Variants in BBS9 observed in about 807,000 individuals in gnomAD.
The protein encoded by BBS9 is protein PTHB1.
A neutral mutation model predicts 117.7 loss-of-function variants in BBS9; 89 were observed. The ratio of observed to expected loss-of-function variants is 0.76; its 90% CI spans 0.64 to 0.90. BBS9 has a LOEUF of 0.90. BBS9 is among the 40% of genes least tolerant of loss of function. The probability of loss-of-function intolerance (pLI) is 0.00; values close to 1 mark genes in which losing one functional copy is unlikely to be tolerated. For missense variants in BBS9, 982 were observed against 1,042.2 expected, an observed-to-expected ratio of 0.94 and a Z score of 0.80; for synonymous variants, 379 against 370.9, an observed-to-expected ratio of 1.02 and a Z score of -0.25.
chr7:33,611,653 T>TATA (rs564675617), intron 21 of BBS9, among the ~76,000 whole-genome samples: 47,943 of 135,372 alleles, frequency 0.35, 11,373 homozygotes, highest in African/African-American at 0.67. Flanking sequence ...AGGTATATTA[T>TATA]ATATTAAATG....
At chr7:33,282,415 C>T (rs1377334935) in intron 9 of BBS9, among the ~76,000 whole-genome samples, 1 of 151,982 alleles carries the variant, frequency 6.6e-6, no homozygotes, top group Non-Finnish European at 1.5e-5. Context: ...CTCTGTTGCC[C>T]AGACTGGAGT....
intron 7 of BBS9, among the ~76,000 whole-genome samples, chr7:33,272,555 C>G (rs1799975119): frequency 6.6e-6 from 1 of 152,032 alleles, no homozygotes; most frequent in African/African-American, 2.4e-5. Context: ...TGGAGATATC[C>G]TGGAGTAGCT....
intron 19 of BBS9, among the ~76,000 whole-genome samples, chr7:33,416,077 G>C (rs543178739): frequency 6.6e-6 from 1 of 152,144 alleles, no homozygotes; most frequent in African/African-American, 2.4e-5. Context: ...CAAGCAATCT[G>C]CCTACCTCAG....
intron 19 of BBS9, among the ~76,000 whole-genome samples, chr7:33,502,535 A>G (rs1443750075): frequency 6.6e-6 from 1 of 152,188 alleles, no homozygotes; most frequent in Non-Finnish European, 1.5e-5. Context: ...AATGTAATTT[A>G]TTTAGTTTTA....
chr7:33,149,212 G>C (rs1346942681), intron 2 of BBS9, among the ~76,000 whole-genome samples: 1 of 152,176 alleles, frequency 6.6e-6, no homozygotes, highest in Non-Finnish European at 1.5e-5. Context: ...TCAGAGATGG[G>C]ATCAGGTGTG....
intron 21 of BBS9, among the ~76,000 whole-genome samples, chr7:33,564,880 T>G (rs1484615710): frequency 6.6e-6 from 1 of 152,214 alleles, no homozygotes; most frequent in East Asian, 1.9e-4. Context: ...TTTGTACTAA[T>G]TTTTTGGAAC....
intron 5 of BBS9, among the ~76,000 whole-genome samples, chr7:33,242,070 G>A (rs1794619362): frequency 6.6e-6 from 1 of 152,066 alleles, no homozygotes; most frequent in Admixed American, 6.5e-5. Flanking sequence ...TCAGATGTTT[G>A]GTGGTACTTC....
intron 20 of BBS9, among the ~76,000 whole-genome samples, chr7:33,524,871 C>T (rs1247228301): frequency 6.6e-6 from 1 of 152,150 alleles, no homozygotes; most frequent in East Asian, 1.9e-4. Context: ...TTCCTGCTTT[C>T]TCTTGTGGGC....
chr7:33,243,453 A>G lies in BBS9; in HGVS notation c.443-13783A>G, dbSNP rs551766531. Among the ~76,000 whole-genome samples the G allele has an allele frequency of 5.3e-5, 8 of 152,338 alleles. No individual in the cohort carries two copies. In the South Asian group the frequency reaches 8.3e-4, roughly 16 times the overall value. ...ATAGTAAAAGCCTATGCAGTATCCA[A>G]TTAATATTGGGAAGATTTTTAATGG... On this transcript the variant is annotated intron_variant, in intron 5 of 22. Transcript: ENST00000242067.
chr7:33,245,194 T>A (rs1795141027), intron 5 of BBS9, among the ~76,000 whole-genome samples: 1 of 152,142 alleles, frequency 6.6e-6, no homozygotes. Context: ...TTCTCCTAAT[T>A]TGTATATTTT....
chr7:33,530,573 C>T (rs1383530488), intron 20 of BBS9, among the ~76,000 whole-genome samples: 1 of 152,178 alleles, frequency 6.6e-6, no homozygotes, highest in Non-Finnish European at 1.5e-5. Context: ...ATGCCCTCTC[C>T]AGTGATGTCT....
At chr7:33,625,574 A>C (rs1268307578) in intron 21 of BBS9, among the ~76,000 whole-genome samples, 1 of 152,174 alleles carries the variant, frequency 6.6e-6, no homozygotes, top group Non-Finnish European at 1.5e-5. Flanking sequence ...CTGCTGGTGC[A>C]AGGGTCAGGC....
chr7:33,545,039 A>G lies in BBS9; in HGVS notation c.2521+10863A>G, dbSNP rs113871090. Among the ~76,000 whole-genome samples the G allele has an allele frequency of 6.9e-3, 1,043 of 152,200 alleles. 10 individuals are homozygous for G. The highest frequency in any genetic ancestry group is 0.024 in the African/African-American group (981 of 41,542). On this transcript the variant is annotated intron_variant, in intron 21 of 22. Coordinates refer to ENST00000242067, the MANE Select transcript of BBS9 (RefSeq NM_198428.3). ...AAACTGAAGGGCTGGTCTCACACCC[A>G]CCATGCCCCTGCCAACAGCCCCGAC...
intron 19 of BBS9, among the ~76,000 whole-genome samples, chr7:33,418,462 C>T (rs1349508597): frequency 2.0e-5 from 3 of 152,170 alleles, no homozygotes; most frequent in Non-Finnish European, 4.4e-5. Flanking sequence ...TGTTCTATTT[C>T]TTTTTTGCCA....
At chr7:33,455,947 G>A (rs1053519401) in intron 19 of BBS9, among the ~76,000 whole-genome samples, 1 of 152,160 alleles carries the variant, frequency 6.6e-6, no homozygotes, top group Non-Finnish European at 1.5e-5. Flanking sequence ...TTGATAACAA[G>A]CAATTTCAGA....
chr7:33,258,216 A>G (rs1797404358), intron 6 of BBS9, among the ~76,000 whole-genome samples: 1 of 152,182 alleles, frequency 6.6e-6, no homozygotes, highest in South Asian at 2.1e-4. Context: ...TGGTGGCAAC[A>G]TTTGGAAGTT....
chr7:33,178,941 A>T (rs1324596858), intron 5 of BBS9, among the ~76,000 whole-genome samples: 1 of 152,218 alleles, frequency 6.6e-6, no homozygotes, highest in African/African-American at 2.4e-5. Flanking sequence ...GGACTGCTTG[A>T]GTAACAGGAA....
rs113711370 is a variant in BBS9, at chr7:33,446,041, G to A, written c.2115+57897G>A. ...TTAATAGATTTTTGAAGCAGAAAAT[G>A]TATAATTGTATTATCATTCTTTCAA... On this transcript the variant is annotated intron_variant, in intron 19 of 22. Transcript: ENST00000242067. 2.1e-3 allele frequency among the ~76,000 whole-genome samples: 317 copies of A among 152,238 alleles called. 6 individuals are homozygous for A. In the South Asian group the frequency reaches 0.039, roughly 19 times the overall value.
chr7:33,510,740 A>G (rs1394472782), intron 20 of BBS9, among the ~76,000 whole-genome samples: 3 of 152,222 alleles, frequency 2.0e-5, no homozygotes, highest in Non-Finnish European at 4.4e-5. Flanking sequence ...CCACATGTGA[A>G]TGAGTGGCTA....
Sources: gnomAD v4.1 joint callset for allele counts (sites outside exome capture counted in the v4.1 genomes callset) on GRCh38, gnomAD v4.1.1 for gene constraint, MANE v1.5 for transcripts, NCBI Gene and HGNC (gene_info 2026-07-23, HGNC 2026-07-21) for gene names.